The following DLGAP1 variants were observed in gnomAD, a reference collection of about 807,000 sequenced individuals.
DLGAP1 encodes DLG associated protein 1, also known as disks large-associated protein 1.
A neutral mutation model predicts 90.8 loss-of-function variants in DLGAP1; 11 were observed. The observed-to-expected ratio is 0.12, with a 90% CI of 0.08 to 0.20. The LOEUF (loss-of-function observed/expected upper bound fraction) is 0.20, where lower values mean the gene tolerates loss of function less well. Ranked by LOEUF, DLGAP1 falls within the 10% of genes least tolerant of loss-of-function variation. The pLI, the probability that DLGAP1 is intolerant of heterozygous loss-of-function variation, is 1.00. For synonymous variants in DLGAP1, 558 were observed against 540.7 expected (o/e 1.03, Z -0.44); for missense variants, 1,050 against 1,333.8 (o/e 0.79, Z 3.31).
At chr18:4,113,574 T>C (rs2076011000) in intron 2 of DLGAP1, among the ~76,000 whole-genome samples, 2 of 152,170 alleles carry the variant, frequency 1.3e-5, no homozygotes, top group Admixed American at 1.3e-4. Flanking sequence ...AGGTTATCTG[T>C]TTACTCTACT....
intron 10 of DLGAP1, among the ~76,000 whole-genome samples, chr18:3,515,171 T>C (rs990525986): frequency 6.6e-6 from 1 of 152,198 alleles, no homozygotes; most frequent in African/African-American, 2.4e-5. Context: ...AAAACTTTTT[T>C]CAAAATTGGA....
chr18:4,067,257 C>T (rs558107834), intron 2 of DLGAP1, among the ~76,000 whole-genome samples: 1 of 151,890 alleles, frequency 6.6e-6, no homozygotes, highest in South Asian at 2.1e-4. Context: ...ATGAAATAAT[C>T]CATACAACAG....
intron 2 of DLGAP1, among the ~76,000 whole-genome samples, chr18:4,070,231 C>T (rs558283082): frequency 6.6e-6 from 1 of 152,272 alleles, no homozygotes; most frequent in South Asian, 2.1e-4. Context: ...CATCTGCCCA[C>T]CTCAGCCTCC....
At chr18:4,148,558 C>G (rs2076623586) in intron 2 of DLGAP1, among the ~76,000 whole-genome samples, 1 of 152,138 alleles carries the variant, frequency 6.6e-6, no homozygotes, top group Non-Finnish European at 1.5e-5. Flanking sequence ...GATGTCCAGC[C>G]TCAAATGAAC....
At chr18:4,377,408 A>G (rs2082036023) in intron 1 of DLGAP1, among the ~76,000 whole-genome samples, 1 of 152,168 alleles carries the variant, frequency 6.6e-6, no homozygotes, top group Admixed American at 6.6e-5. Context: ...TAAAAATGTC[A>G]AGTATTTATA....
intron 7 of DLGAP1, among the ~76,000 whole-genome samples, chr18:3,685,555 T>C (rs187611242): frequency 0.02 from 2,158 of 109,344 alleles, 66 homozygotes; most frequent in African/African-American, 0.082. Context: ...CAGAGCGAGA[T>C]TCCGTCTCAA....
intron 1 of DLGAP1, among the ~76,000 whole-genome samples, chr18:4,185,237 A>G (rs1310238959): frequency 6.6e-6 from 1 of 150,982 alleles, no homozygotes; most frequent in East Asian, 2.0e-4. Context: ...TCTATTTTAA[A>G]CAAGATTTTC....
At chr18:4,177,641 T>G (rs942169975) in intron 1 of DLGAP1, among the ~76,000 whole-genome samples, 7 of 152,136 alleles carry the variant, frequency 4.6e-5, no homozygotes, top group African/African-American at 1.7e-4. Flanking sequence ...ATGTAGGCCC[T>G]GGTGTCTGCT....
chr18:4,276,649 TAAAC>T (rs1410802193), intron 1 of DLGAP1, among the ~76,000 whole-genome samples: 3 of 149,768 alleles, frequency 2.0e-5, no homozygotes, highest in South Asian at 2.1e-4. Flanking sequence ...AAAAAAAAAA[TAAAC>T]AAATATATTT....
At chr18:4,345,543 G>A (rs2143909609) in intron 1 of DLGAP1, among the ~76,000 whole-genome samples, 1 of 152,254 alleles carries the variant, frequency 6.6e-6, no homozygotes, top group African/African-American at 2.4e-5. Flanking sequence ...GTTTTACGTG[G>A]CAGAAACAAC....
intron 1 of DLGAP1, among the ~76,000 whole-genome samples, chr18:4,228,863 A>T (rs191033514): frequency 2.7e-4 from 41 of 152,038 alleles, no homozygotes; most frequent in Non-Finnish European, 4.1e-4. Context: ...AAAAAATTTT[A>T]AAAAAAGGGC....
At chr18:3,827,430 T>G (rs1414397978) in intron 4 of DLGAP1, among the ~76,000 whole-genome samples, 1 of 152,206 alleles carries the variant, frequency 6.6e-6, no homozygotes, top group Non-Finnish European at 1.5e-5. Flanking sequence ...ACTGTCACAT[T>G]GACTTCTTCC....
intron 1 of DLGAP1, among the ~76,000 whole-genome samples, chr18:4,341,617 C>T (rs73941440): frequency 1.4e-4 from 21 of 152,220 alleles, no homozygotes; most frequent in African/African-American, 3.8e-4. Context: ...TTATGTCTCC[C>T]GCTTCTACAA....
At chr18:4,090,600 G>A (rs573437322) in intron 2 of DLGAP1, among the ~76,000 whole-genome samples, 9 of 152,272 alleles carry the variant, frequency 5.9e-5, no homozygotes, top group Admixed American at 2.0e-4. Context: ...AACAATAGAC[G>A]CTGGCAAAGC....
intron 6 of DLGAP1, among the ~76,000 whole-genome samples, chr18:3,730,021 C>T (rs555656200): frequency 1.3e-5 from 2 of 152,290 alleles, no homozygotes; most frequent in South Asian, 2.1e-4. Flanking sequence ...ATAGACTAAA[C>T]TCAGATATGT....
chr18:4,190,077 C>T (rs1485265585), intron 1 of DLGAP1, among the ~76,000 whole-genome samples: 1 of 151,998 alleles, frequency 6.6e-6, no homozygotes, highest in Non-Finnish European at 1.5e-5. Context: ...CTTATGTCCA[C>T]ACAAAAACCT....
intron 8 of DLGAP1, among the ~76,000 whole-genome samples, chr18:3,572,284 A>G (rs2054853141): frequency 1.3e-5 from 2 of 152,186 alleles, no homozygotes; most frequent in African/African-American, 2.4e-5. Flanking sequence ...AAATATTTAC[A>G]GTTCATTTCT....
intron 2 of DLGAP1, among the ~76,000 whole-genome samples, chr18:4,036,584 G>C (rs16945913): frequency 0.017 from 2,624 of 152,226 alleles, 41 homozygotes; most frequent in East Asian, 0.063. Context: ...GTGATTACTT[G>C]CATCACTGAA....
At chr18:4,026,507 T>G (rs754624864) in intron 2 of DLGAP1, among the ~76,000 whole-genome samples, 5 of 152,130 alleles carry the variant, frequency 3.3e-5, no homozygotes, top group African/African-American at 4.8e-5. Flanking sequence ...AGGGGTTGGA[T>G]GTTACCAAAG....
Sources: allele counts gnomAD v4.1 joint callset (sites outside exome capture counted in the v4.1 genomes callset), GRCh38; gene constraint gnomAD v4.1.1; transcripts MANE v1.5; gene names NCBI Gene and HGNC (gene_info 2026-07-23, HGNC 2026-07-21).